KCNK9: variants seen among roughly 807,000 people sequenced by gnomAD.
KCNK9 encodes the protein potassium channel subfamily K member 9.
Under a neutral mutation model 10.8 loss-of-function variants are expected in KCNK9, and 1 was observed. The observed-to-expected ratio is 0.09, with a 90% confidence interval of 0.03 to 0.44. The LOEUF is 0.44. Ranked by LOEUF, KCNK9 falls within the 20% of genes least tolerant of loss-of-function variation. The pLI is 0.97. For missense variants in KCNK9, 303 were observed against 515.0 expected (o/e 0.59, Z 3.98); for synonymous variants, 231 against 222.7 (o/e 1.04, Z -0.33).
chr8:139,615,660 C>T (rs915490951), downstream of KCNK9, among the ~76,000 whole-genome samples: 3 of 152,080 alleles, frequency 2.0e-5, no homozygotes, highest in African/African-American at 7.2e-5. Flanking sequence ...AAAGAGAAGA[C>T]ATAGGAGGGA....
chr8:139,644,196 G>T (rs1478791127), intron 1 of KCNK9, among the ~76,000 whole-genome samples: 1 of 152,208 alleles, frequency 6.6e-6, no homozygotes, highest in Non-Finnish European at 1.5e-5. Context: ...AGTGTCCGCA[G>T]CTTGTAGGAG....
At chr8:139,606,274 C>T (rs1817485563) in intron 2 of KCNK9, among the ~76,000 whole-genome samples, 1 of 152,178 alleles carries the variant, frequency 6.6e-6, no homozygotes, top group African/African-American at 2.4e-5. Flanking sequence ...CACCCTCCCA[C>T]AGGGAGTGCT....
Position 139,693,907 on chromosome 8 carries a change from A to G in KCNK9, c.283+8803T>C, listed in dbSNP as rs1816990992. 6.6e-6 allele frequency among the ~76,000 whole-genome samples: 1 copy of G among 152,118 alleles called. No individual in the cohort carries two copies. Among genetic ancestry groups the G allele is most frequent in the African/African-American group, 2.4e-5 (1 of 41,422 alleles). Reference sequence around the variant, plus strand: ...TGTCCCAGGAAGCCATAGTATCCCAACAGAACTGAGTTGGGGAAATCTTAC... The same window carrying G: ...TGTCCCAGGAAGCCATAGTATCCCAGCAGAACTGAGTTGGGGAAATCTTAC... On this transcript the variant is annotated intron_variant, in intron 1 of 1. Coordinates refer to ENST00000520439, the MANE Select transcript of KCNK9 (RefSeq NM_001282534.2). The surrounding 1 kb of genome is among the most constrained non-coding windows in gnomAD (Gnocchi z 4.1).
chr8:139,657,317 A>G (rs539381893), intron 1 of KCNK9, among the ~76,000 whole-genome samples: 1 of 152,226 alleles, frequency 6.6e-6, no homozygotes, highest in Non-Finnish European at 1.5e-5. Flanking sequence ...GAGAGAATTT[A>G]GAACAGAGGG....
intron 1 of KCNK9, among the ~76,000 whole-genome samples, chr8:139,683,639 C>G (rs1816735755): frequency 6.6e-6 from 1 of 152,232 alleles, no homozygotes; most frequent in Non-Finnish European, 1.5e-5. Context: ...AGGTCACATC[C>G]AGGACACGTG....
intron 1 of KCNK9, among the ~76,000 whole-genome samples, chr8:139,681,955 C>A (rs1458055885): frequency 6.6e-6 from 1 of 152,212 alleles, no homozygotes; most frequent in Non-Finnish European, 1.5e-5. Flanking sequence ...GTGGCCCAGC[C>A]CATGGAAGCT....
intron 1 of KCNK9, among the ~76,000 whole-genome samples, chr8:139,666,733 C>G (rs1208764054): frequency 6.6e-6 from 1 of 152,264 alleles, no homozygotes; most frequent in East Asian, 1.9e-4. Context: ...AGATCCATGT[C>G]TAGCTGTATC....
chr8:139,703,114 A>T lies in KCNK9; in HGVS notation c.-122T>A, dbSNP rs920696619. 1 of 741,016 alleles carries T rather than the reference A, an allele frequency of 1.3e-6. No homozygotes were observed. Among genetic ancestry groups the T allele is most frequent in the African/African-American group, 1.9e-5 (1 of 53,236 alleles). 45.9% of individuals were successfully genotyped at this position (741,016 alleles called of 1,614,324 possible). A position where few individuals can be genotyped will look rare whatever the true frequency, so the allele number is the denominator to read the frequency against. On this transcript the variant is annotated 5_prime_UTR_variant, in exon 1 of 2. The change creates a new upstream start codon in the 5' untranslated region. Coordinates refer to ENST00000520439, the MANE Select transcript of KCNK9 (RefSeq NM_001282534.2). This position sits in a 1 kb window ranked among gnomAD's most constrained non-coding sequence, Gnocchi z 6.4. The stretch of plus-strand genomic sequence containing the variant: ...TCCGCCGCCGCCGCCGCCGCCTCCA[A>T]GTTGTAAGCGGCGGCGGCAGCAGCA...
intron 1 of KCNK9, among the ~76,000 whole-genome samples, chr8:139,671,811 TCAGCCTCC>T (rs1222833466): frequency 6.6e-6 from 1 of 152,224 alleles, no homozygotes; most frequent in Non-Finnish European, 1.5e-5. Context: ...TCCACCTGCC[TCAGCCTCC>T]CAAAGTGCTG....
Position 139,618,657 on chromosome 8 carries a change from G to C in KCNK9, c.726C>G (p.Val242=), listed in dbSNP as rs113907649. 1.9e-6 allele frequency: 3 copies of C among 1,614,160 alleles called. No homozygotes were observed. Among genetic ancestry groups the C allele is most frequent in the Middle Eastern group, 1.6e-4 (1 of 6,062 alleles). ...TGTTCATGGTCAAGAACCTGAGGACGACCAGGTTGAGGAAGGCCCCGATGA... is the reference window on the plus strand; with the variant it reads ...TGTTCATGGTCAAGAACCTGAGGACCACCAGGTTGAGGAAGGCCCCGATGA... ...LTVIGAFLNL[V]VLRFLTMNSE... The change falls in exon 2 of 2, where the codon GTC becomes GTG. Residue 242 remains valine, a synonymous_variant. Transcript: ENST00000520439. This position sits in a 1 kb window ranked among gnomAD's most constrained non-coding sequence, Gnocchi z 7.9.
In KCNK9 at chr8:139,624,757, G is replaced by A. The variant is rs148979448; in HGVS notation, c.284-5658C>T. ...CTAGAAGAGAACCTCCAGTTCACCC[G>A]GCCCACCTCCACAGTCAGAGGCAAC... On this transcript the variant is annotated intron_variant, in intron 1 of 1. Transcript: ENST00000520439. Among the ~76,000 whole-genome samples the A allele has an allele frequency of 3.9e-3, 595 of 152,274 alleles. 8 individuals are homozygous for A. The highest frequency in any genetic ancestry group is 0.014 in the African/African-American group (580 of 41,568).
intron 2 of KCNK9, among the ~76,000 whole-genome samples, chr8:139,602,469 T>C (rs982078492): frequency 5.9e-5 from 9 of 152,226 alleles, no homozygotes; most frequent in Admixed American, 6.5e-5. Flanking sequence ...TACATTTTTT[T>C]GGAGGGTGGT....
At chr8:139,657,528 T>C (rs1816051076) in intron 1 of KCNK9, among the ~76,000 whole-genome samples, 1 of 152,062 alleles carries the variant, frequency 6.6e-6, no homozygotes, top group African/African-American at 2.4e-5. Flanking sequence ...CCCTGTGAGC[T>C]TCCGGCACTG....
At chr8:139,632,088 T>C (rs1180722522) in intron 1 of KCNK9, among the ~76,000 whole-genome samples, 1 of 152,200 alleles carries the variant, frequency 6.6e-6, no homozygotes, top group Non-Finnish European at 1.5e-5. Flanking sequence ...GTAAGACATG[T>C]TGCATGTGTG....
intron 1 of KCNK9, among the ~76,000 whole-genome samples, chr8:139,645,806 C>T (rs941210591): frequency 2.6e-5 from 4 of 152,232 alleles, no homozygotes; most frequent in Non-Finnish European, 4.4e-5. Flanking sequence ...CATCGCCTGG[C>T]CCCTCCTCCT....
At chr8:139,689,026 A>G (rs1407940046) in intron 1 of KCNK9, among the ~76,000 whole-genome samples, 2 of 152,156 alleles carry the variant, frequency 1.3e-5, no homozygotes, top group African/African-American at 2.4e-5. Context: ...CCCTAATCCA[A>G]TCTAACTGGT....
intron 1 of KCNK9, among the ~76,000 whole-genome samples, chr8:139,671,305 A>C (rs1816420662): frequency 1.3e-5 from 2 of 151,870 alleles, no homozygotes; most frequent in Admixed American, 6.6e-5. Flanking sequence ...CCTAGGGGAC[A>C]CCCTTCTGGA....
At chr8:139,608,343 T>G (rs1286436487), downstream of KCNK9, among the ~76,000 whole-genome samples, 1 of 152,158 alleles carries the variant, frequency 6.6e-6, no homozygotes, top group Non-Finnish European at 1.5e-5. Flanking sequence ...CGGTGGTTTA[T>G]CACAGCAGCA....
intron 1 of KCNK9, among the ~76,000 whole-genome samples, chr8:139,619,868 A>C (rs1353063458): frequency 6.6e-6 from 1 of 152,216 alleles, no homozygotes; most frequent in Admixed American, 6.5e-5. Flanking sequence ...CATACCTAGA[A>C]AGTAAAATAT....
Sources: allele counts gnomAD v4.1 joint callset (sites outside exome capture counted in the v4.1 genomes callset), GRCh38; gene constraint gnomAD v4.1.1; non-coding constraint Gnocchi (gnomAD v3.1); transcripts MANE v1.5; gene names NCBI Gene and HGNC (gene_info 2026-07-23, HGNC 2026-07-21).